MGMT: variants seen among roughly 807,000 people sequenced by gnomAD.
MGMT encodes O-6-methylguanine-DNA methyltransferase, also known as methylated-DNA--protein-cysteine methyltransferase.
A neutral mutation model predicts 15.9 loss-of-function variants in MGMT; 14 were observed. That is an observed-to-expected ratio of 0.88 (90% CI 0.58 to 1.37). The LOEUF is 1.37. Among genes scored for constraint, MGMT ranks in the 40% most tolerant of loss-of-function variants. The probability of loss-of-function intolerance (pLI) is 0.00; values close to 1 mark genes in which losing one functional copy is unlikely to be tolerated. For missense variants in MGMT, 282 were observed against 268.1 expected, an observed-to-expected ratio of 1.05 and a Z score of -0.36; for synonymous variants, 130 against 118.2, an observed-to-expected ratio of 1.10 and a Z score of -0.65.
chr10:129,584,224 G>T (rs1846591736), intron 2 of MGMT, among the ~76,000 whole-genome samples: 1 of 152,188 alleles, frequency 6.6e-6, no homozygotes, highest in African/African-American at 2.4e-5. Context: ...ACATGGAGGG[G>T]CACCATTTGG....
chr10:129,694,159 C>G (rs542644498), intron 2 of MGMT: 2 of 152,434 alleles, frequency 1.3e-5, no homozygotes, highest in East Asian at 3.9e-4. Flanking sequence ...AAGCTCTTCT[C>G]AGCGGGAGGC....
chr10:129,487,572 G>C (rs932608887), intron 1 of MGMT, among the ~76,000 whole-genome samples: 1 of 151,044 alleles, frequency 6.6e-6, no homozygotes, highest in Non-Finnish European at 1.5e-5. Flanking sequence ...CTCCGGAAGG[G>C]AATCAAAAAA....
intron 2 of MGMT, among the ~76,000 whole-genome samples, chr10:129,543,795 A>G (rs1589858825): frequency 6.6e-6 from 1 of 152,238 alleles, no homozygotes; most frequent in South Asian, 2.1e-4. Flanking sequence ...GTCAGAAGCA[A>G]ACTTGTTCAT....
intron 2 of MGMT, among the ~76,000 whole-genome samples, chr10:129,637,100 T>C (rs2133086779): frequency 6.6e-6 from 1 of 152,356 alleles, no homozygotes; most frequent in African/African-American, 2.4e-5. Flanking sequence ...TAGTGTGGTG[T>C]GACAAGTAAC....
rs1170690438 is a variant in MGMT, at chr10:129,484,306, A to T, written c.-13+17010A>T. Among the ~76,000 whole-genome samples the T allele has an allele frequency of 5.3e-5, 8 of 152,146 alleles. No homozygotes were observed. The East Asian group carries it at 1.5e-3, about 29-fold the overall frequency. On this transcript the variant is annotated intron_variant, in intron 1 of 4. Transcript: ENST00000651593. ...CTCCCTGAGCCCTGCTCATTTCCTCAGTCTTTTTGTGTTTCTGTGCCTTGA... is the reference window on the plus strand; with the variant it reads ...CTCCCTGAGCCCTGCTCATTTCCTCTGTCTTTTTGTGTTTCTGTGCCTTGA...
rs1847108542 is a variant in MGMT at position 129,623,120 on chromosome 10, G to A, written c.126-84775G>A. 3.3e-5 allele frequency among the ~76,000 whole-genome samples: 5 copies of A among 152,112 alleles called. No individual in the cohort carries two copies. In the South Asian group the frequency reaches 1.0e-3, roughly 32 times the overall value. On this transcript the variant is annotated intron_variant, in intron 2 of 4. Coordinates refer to ENST00000651593, the MANE Select transcript of MGMT (RefSeq NM_002412.5). ...CTGATTACTCTGCGTAGTGTAGGGTGCTGTAGGGTGCATAACTGATTAGTG... is the reference window on the plus strand; with the variant it reads ...CTGATTACTCTGCGTAGTGTAGGGTACTGTAGGGTGCATAACTGATTAGTG...
intron 1 of MGMT, among the ~76,000 whole-genome samples, chr10:129,526,737 G>C (rs1845874951): frequency 6.6e-6 from 1 of 152,224 alleles, no homozygotes; most frequent in Non-Finnish European, 1.5e-5. Context: ...GAGCTGCAAA[G>C]ATGGTCCTGG....
intron 2 of MGMT, among the ~76,000 whole-genome samples, chr10:129,627,455 G>A (rs1249935667): frequency 6.6e-6 from 1 of 152,110 alleles, no homozygotes; most frequent in Non-Finnish European, 1.5e-5. Flanking sequence ...TTGCAATGAA[G>A]AATTCAGTTT....
Position 129,627,207 on chromosome 10 carries a change from G to A in MGMT, c.126-80688G>A, listed in dbSNP as rs111310378. On this transcript the variant is annotated intron_variant, in intron 2 of 4. Transcript: ENST00000651593. ...GATGGGTGTGCTGGGGGATGAGGGC[G>A]TGGGTTGAAAAGTATCCAGTTACTG... Among the ~76,000 whole-genome samples, 1,234 of 152,294 alleles carry A rather than the reference G, an allele frequency of 8.1e-3. 6 individuals carry two copies. The highest frequency in any genetic ancestry group is 0.018 in the African/African-American group (730 of 41,550).
At chr10:129,489,510 T>C (rs1312208197) in intron 1 of MGMT, among the ~76,000 whole-genome samples, 1 of 152,102 alleles carries the variant, frequency 6.6e-6, no homozygotes, top group Non-Finnish European at 1.5e-5. Flanking sequence ...TAGACTAACC[T>C]GTTTGGTATT....
At chr10:129,621,889 A>G (rs950861362) in intron 2 of MGMT, among the ~76,000 whole-genome samples, 1 of 152,218 alleles carries the variant, frequency 6.6e-6, no homozygotes, top group African/African-American at 2.4e-5. Context: ...CTATCCATCT[A>G]ACTCTTAGAA....
chr10:129,721,814 T>C (rs56329578), intron 3 of MGMT, among the ~76,000 whole-genome samples: 1 of 31,214 alleles, frequency 3.2e-5, no homozygotes, highest in Non-Finnish European at 7.1e-5. Flanking sequence ...AATTCTTTTA[T>C]TAGAATTAGC....
chr10:129,487,838 C>T lies in MGMT; in HGVS notation c.-13+20542C>T, dbSNP rs528259279. 2.0e-5 allele frequency among the ~76,000 whole-genome samples: 3 copies of T among 151,332 alleles called. No individual in the cohort carries two copies. The East Asian group carries it at 5.9e-4, about 30-fold the overall frequency. On this transcript the variant is annotated intron_variant, in intron 1 of 4. Transcript: ENST00000651593. ...TCTGATTGTGGGTTATATTTCTTTG[C>T]TTCTTATGTGTGTGTTTTAAGTTGG...
intron 4 of MGMT, among the ~76,000 whole-genome samples, chr10:129,765,811 T>A (rs1221212517): frequency 6.6e-6 from 1 of 152,032 alleles, no homozygotes; most frequent in African/African-American, 2.4e-5. Flanking sequence ...TCATTCTCCC[T>A]TGTGGGTGTG....
intron 1 of MGMT, among the ~76,000 whole-genome samples, chr10:129,531,508 C>T (rs1038334432): frequency 6.6e-6 from 1 of 152,082 alleles, no homozygotes; most frequent in Non-Finnish European, 1.5e-5. Flanking sequence ...CACCTCTCTG[C>T]TCGCCCGGTG....
At chr10:129,739,283 C>G (rs897223563) in intron 3 of MGMT, among the ~76,000 whole-genome samples, 1 of 152,180 alleles carries the variant, frequency 6.6e-6, no homozygotes, top group Non-Finnish European at 1.5e-5. Flanking sequence ...GTTCAACATA[C>G]TGCTGGAAGT....
chr10:129,652,628 C>T (rs1243440863), intron 2 of MGMT, among the ~76,000 whole-genome samples: 2 of 152,226 alleles, frequency 1.3e-5, no homozygotes, highest in African/African-American at 4.8e-5. Context: ...CTGTCCCCCG[C>T]AGTGGCTGCT....
intron 2 of MGMT, chr10:129,537,101 C>T (rs1297095907): frequency 2.0e-5 from 3 of 151,834 alleles, no homozygotes; most frequent in Admixed American, 1.3e-4. Context: ...TAATTTCCTC[C>T]GTTCATTCTA....
At chr10:129,627,419 A>AAAAG (rs945274741) in intron 2 of MGMT, among the ~76,000 whole-genome samples, 2 of 121,912 alleles carry the variant, frequency 1.6e-5, no homozygotes, top group African/African-American at 5.2e-5. Context: ...CTACTCAAAA[A>AAAAG]AAAGAAAGAA....
Sources: gnomAD v4.1 joint callset for allele counts (sites outside exome capture counted in the v4.1 genomes callset) on GRCh38, gnomAD v4.1.1 for gene constraint, MANE v1.5 for transcripts, NCBI Gene and HGNC (gene_info 2026-07-23, HGNC 2026-07-21) for gene names.